Variants in CELF2 observed in about 807,000 individuals in gnomAD.
The protein encoded by CELF2 is CUGBP Elav-like family member 2.
In CELF2, 8 loss-of-function variants were observed where a neutral mutation model predicts 62.6. The ratio of observed to expected loss-of-function variants is 0.13; its 90% confidence interval spans 0.07 to 0.23. The LOEUF is 0.23. CELF2 is among the 10% of genes least tolerant of loss of function. The pLI is 1.00. For missense variants in CELF2, 333 were observed against 671.0 expected (o/e 0.50, Z 5.56); for synonymous variants, 258 against 250.0 (o/e 1.03, Z -0.30).
Position 10,986,583 on chromosome 10 carries a change from A to G in CELF2, c.89+66584A>G, listed in dbSNP as rs571079532. On this transcript the variant is annotated intron_variant, in intron 2 of 13. Transcript: ENST00000636488. The stretch of plus-strand genomic sequence containing the variant: ...TCTGGGAAGAAGAAAGGAGTATTGT[A>G]TAATCAGATGAAGTATCTTTACATT... Among the ~76,000 whole-genome samples the G allele has an allele frequency of 2.6e-5, 4 of 152,362 alleles. No homozygotes were observed. The South Asian group carries it at 8.3e-4, about 32-fold the overall frequency.
the CELF2 span, among the ~76,000 whole-genome samples, chr10:10,599,409 T>C: frequency 6.6e-6 from 1 of 152,326 alleles, no homozygotes. Context: ...TGGCTCAGAA[T>C]AGGTACTTGG....
upstream of CELF2, chr10:10,798,528 A>T: frequency 2.6e-6 from 1 of 383,330 alleles, no homozygotes; most frequent in South Asian, 1.5e-4. Context: ...GATCAGTTGG[A>T]GCAGATTACC....
chr10:10,621,835 C>A, the CELF2 span, among the ~76,000 whole-genome samples: 2 of 152,082 alleles, frequency 1.3e-5, no homozygotes, highest in African/African-American at 2.4e-5. Context: ...ATGGCTGAAC[C>A]TTAAATGTAA....
At chr10:11,056,718 C>T (rs571075769) in intron 1 of CELF2, among the ~76,000 whole-genome samples, 31 of 152,274 alleles carry the variant, frequency 2.0e-4, no homozygotes, top group East Asian at 1.5e-3. Context: ...TCAGAGGATG[C>T]ATTTTCATGA....
chr10:10,732,906 G>C, the CELF2 span, among the ~76,000 whole-genome samples: 1 of 152,162 alleles, frequency 6.6e-6, no homozygotes, highest in Non-Finnish European at 1.5e-5. Flanking sequence ...GGCAGGCTGG[G>C]ATTGGAGAGC....
At chr10:10,568,452 A>T in the CELF2 span, among the ~76,000 whole-genome samples, 1 of 152,212 alleles carries the variant, frequency 6.6e-6, no homozygotes, top group South Asian at 2.1e-4. Flanking sequence ...GGCTACTTTC[A>T]TGCCACATCT....
At chr10:10,798,169 T>G (rs1157568671), upstream of CELF2, among the ~76,000 whole-genome samples, 1 of 152,144 alleles carries the variant, frequency 6.6e-6, no homozygotes, top group East Asian at 1.9e-4. Context: ...CTGTTCCAAA[T>G]TATTTTTAAA....
In CELF2 at chr10:11,332,551, C is replaced by T. The variant is rs2096047497; in HGVS notation, c.*3498C>T. On this transcript the variant is annotated 3_prime_UTR_variant, in exon 13 of 13. Coordinates refer to ENST00000633077, the MANE Select transcript of CELF2 (RefSeq NM_001326342.2). ...TTTTAAAGTGCCATATGACTTTCTA[C>T]GAACAGGTACCTTGCTGTCTTGACA... The T allele has an allele frequency of 1.3e-5, 2 of 151,898 alleles. No individual in the cohort carries two copies. Among genetic ancestry groups the T allele is most frequent in the South Asian group, 2.1e-4 (1 of 4,834 alleles). The allele number at this position is 151,898 out of a possible 1,614,324, so 9.4% of individuals were successfully genotyped here.
Position 11,262,940 on chromosome 10 carries a change from C to CTTTTTTTTT in CELF2, c.539-3639_539-3631dup, listed in dbSNP as rs553831640. ...GTTCATGCTTTTAAAAGTGGCTTTA[C>CTTTTTTTTT]TTTTTTTTTTTTTTTTTTTTTTTTT... On this transcript the variant is annotated intron_variant, in intron 5 of 12. Transcript: ENST00000633077. Among the ~76,000 whole-genome samples, 115 of 52,764 alleles carry CTTTTTTTTT rather than the reference C, an allele frequency of 2.2e-3. 32 individuals are homozygous for CTTTTTTTTT. The highest frequency in any genetic ancestry group is 3.1e-3 in the Non-Finnish European group (94 of 30,342). 34.6% of individuals were successfully genotyped at this position (52,764 alleles called of 152,430 possible).
chr10:11,064,541 C>T (rs537409735), intron 1 of CELF2, among the ~76,000 whole-genome samples: 2 of 152,268 alleles, frequency 1.3e-5, no homozygotes, highest in African/African-American at 4.8e-5. Context: ...CAAGTGGTAT[C>T]AGTTAAACCA....
intron 1 of CELF2, among the ~76,000 whole-genome samples, chr10:11,062,297 G>GT (rs1207837131): frequency 1.3e-5 from 2 of 152,250 alleles, no homozygotes; most frequent in African/African-American, 4.8e-5. Context: ...TGGAGAGGAA[G>GT]TAAGTTCCAC....
At chr10:11,274,184 C>G (rs1022285634) in intron 7 of CELF2, among the ~76,000 whole-genome samples, 1 of 152,244 alleles carries the variant, frequency 6.6e-6, no homozygotes, top group Non-Finnish European at 1.5e-5. Flanking sequence ...CTTGCCCACA[C>G]TGCTAACTGC....
At chr10:11,089,242 C>T (rs547820403) in intron 1 of CELF2, among the ~76,000 whole-genome samples, 1 of 152,288 alleles carries the variant, frequency 6.6e-6, no homozygotes, top group Admixed American at 6.5e-5. Context: ...ATCTTTGAAA[C>T]ACACAGTAGG....
chr10:10,842,344 A>G (rs1564703792), intron 1 of CELF2, among the ~76,000 whole-genome samples: 1 of 152,076 alleles, frequency 6.6e-6, no homozygotes, highest in Non-Finnish European at 1.5e-5. Flanking sequence ...CAGAGTGATA[A>G]GAAAGGACAT....
the CELF2 span, among the ~76,000 whole-genome samples, chr10:10,731,355 T>A: frequency 1.3e-5 from 2 of 152,146 alleles, no homozygotes; most frequent in Admixed American, 6.5e-5. Flanking sequence ...ATTACCATGG[T>A]CATTCAGGTA....
At chr10:10,620,779 G>A in the CELF2 span, among the ~76,000 whole-genome samples, 2 of 147,776 alleles carry the variant, frequency 1.4e-5, no homozygotes, top group South Asian at 2.2e-4. Context: ...GGTGGCAGGC[G>A]CCTGTAGGTA....
the CELF2 span, among the ~76,000 whole-genome samples, chr10:10,542,932 T>A: frequency 8.5e-5 from 13 of 152,342 alleles, no homozygotes; most frequent in Middle Eastern, 6.8e-3. Context: ...TATATTAATA[T>A]ATGACCAGGC....
the CELF2 span, among the ~76,000 whole-genome samples, chr10:10,602,866 C>T: frequency 2.0e-5 from 3 of 152,034 alleles, no homozygotes; most frequent in Non-Finnish European, 2.9e-5. Flanking sequence ...GCCACAAAAT[C>T]GGTAAATCAT....
At chr10:11,058,255 G>A (rs891380098) in intron 1 of CELF2, among the ~76,000 whole-genome samples, 15 of 152,184 alleles carry the variant, frequency 9.9e-5, no homozygotes, top group African/African-American at 3.6e-4. Flanking sequence ...TTATTCTCCT[G>A]TAGTCTGACT....
Sources: gnomAD v4.1 joint callset for allele counts (sites outside exome capture counted in the v4.1 genomes callset) on GRCh38, gnomAD v4.1.1 for gene constraint, MANE v1.5 for transcripts, NCBI Gene and HGNC (gene_info 2026-07-23, HGNC 2026-07-21) for gene names.